The following PCDH17 variants were observed in gnomAD, a reference collection of about 807,000 sequenced individuals.
PCDH17 encodes protocadherin 17.
In PCDH17, 21 loss-of-function variants were observed where a neutral mutation model predicts 67.7. The ratio of observed to expected loss-of-function variants is 0.31; its 90% CI spans 0.22 to 0.45. PCDH17 has a LOEUF of 0.45. PCDH17 is among the 20% of genes least tolerant of loss of function. PCDH17 has a pLI of 1.00. For synonymous variants in PCDH17, 701 were observed against 656.7 expected (o/e 1.07, Z -1.03); for missense variants, 1,471 against 1,564.8 (o/e 0.94, Z 1.01).
At chr13:57,705,808 G>A (rs1392444643) in intron 3 of PCDH17, among the ~76,000 whole-genome samples, 2 of 152,064 alleles carry the variant, frequency 1.3e-5, no homozygotes, top group African/African-American at 4.8e-5. Context: ...CTGAGGTCTG[G>A]AGTTCAAGAC....
At chr13:57,677,215 T>C (rs1488171170) in intron 3 of PCDH17, among the ~76,000 whole-genome samples, 1 of 151,828 alleles carries the variant, frequency 6.6e-6, no homozygotes, top group Non-Finnish European at 1.5e-5. Context: ...CTAGACTCTC[T>C]TGGGACTTAT....
intron 1 of PCDH17, among the ~76,000 whole-genome samples, chr13:57,660,092 A>C (rs4488350): frequency 0.3 from 45,864 of 151,986 alleles, 8,951 homozygotes; most frequent in Middle Eastern, 0.5. Context: ...AAAAGAAAAA[A>C]GAAAGATAGC....
chr13:57,689,125 A>C (rs942360838), intron 3 of PCDH17, among the ~76,000 whole-genome samples: 5 of 152,090 alleles, frequency 3.3e-5, no homozygotes, highest in African/African-American at 1.2e-4. Context: ...GTTAATTAAA[A>C]ATATTTCTGA....
chr13:57,697,337 G>A (rs1442597371), intron 3 of PCDH17, among the ~76,000 whole-genome samples: 1 of 151,620 alleles, frequency 6.6e-6, no homozygotes, highest in African/African-American at 2.4e-5. Context: ...AGAAATCTAA[G>A]ATGGTTTTCT....
chr13:57,685,381 A>T (rs915990685), intron 3 of PCDH17, among the ~76,000 whole-genome samples: 2 of 151,972 alleles, frequency 1.3e-5, no homozygotes, highest in Non-Finnish European at 2.9e-5. Flanking sequence ...CTTCTCAAAT[A>T]TAGTTTGCAT....
At chr13:57,713,626 A>C (rs1277744663) in intron 3 of PCDH17, among the ~76,000 whole-genome samples, 1 of 151,658 alleles carries the variant, frequency 6.6e-6, no homozygotes, top group Non-Finnish European at 1.5e-5. Flanking sequence ...TATCTTTGGA[A>C]ACTATCATTT....
chr13:57,691,931 GTCTT>G (rs776573755), intron 3 of PCDH17, among the ~76,000 whole-genome samples: 5 of 151,160 alleles, frequency 3.3e-5, no homozygotes, highest in South Asian at 2.1e-4. Context: ...ATATCAGACT[GTCTT>G]TCTATTTTGA....
At chr13:57,692,236 T>A (rs1402382215) in intron 3 of PCDH17, among the ~76,000 whole-genome samples, 1 of 151,134 alleles carries the variant, frequency 6.6e-6, no homozygotes, top group Non-Finnish European at 1.5e-5. Context: ...AATGAGAGAG[T>A]CTCAATTTCT....
intron 3 of PCDH17, among the ~76,000 whole-genome samples, chr13:57,696,486 G>C (rs975101935): frequency 2.6e-5 from 4 of 151,130 alleles, no homozygotes; most frequent in Admixed American, 6.6e-5. Flanking sequence ...ACTTAAAATA[G>C]ATCATTTTAA....
chr13:57,678,852 AT>A (rs1225668639), intron 3 of PCDH17, among the ~76,000 whole-genome samples: 2 of 151,568 alleles, frequency 1.3e-5, no homozygotes, highest in Non-Finnish European at 3.0e-5. Context: ...GTTCTCATGA[AT>A]TTTTGAAAAT....
intron 3 of PCDH17, among the ~76,000 whole-genome samples, 154 bp downstream of exon 3, chr13:57,666,987 A>G (rs1467451859): frequency 1.3e-5 from 2 of 152,166 alleles, no homozygotes; most frequent in Non-Finnish European, 2.9e-5. Context: ...AAAAAAAGCA[A>G]CCATTGAATA....
rs1212499095 is a variant in PCDH17, at chr13:57,727,535, C to G, written c.*2241C>G. ...CTTTGAGAGGGAAGAGTGGACAACT[C>G]CCATCAGCCTTATTCTCTTGAGAAC... On this transcript the variant is annotated 3_prime_UTR_variant, in exon 4 of 4. Coordinates refer to ENST00000377918, the MANE Select transcript of PCDH17 (RefSeq NM_001040429.3). 1 of 152,108 alleles carries G rather than the reference C, an allele frequency of 6.6e-6. No homozygotes were observed. The highest frequency in any genetic ancestry group is 2.4e-5 in the African/African-American group (1 of 41,430). The allele number at this position is 152,108 out of a possible 1,614,324, so 9.4% of individuals were successfully genotyped here.
rs533194332 is a variant in PCDH17, at chr13:57,677,790, C to T, written c.2797+10957C>T. Among the ~76,000 whole-genome samples, 7 of 151,834 alleles carry T rather than the reference C, an allele frequency of 4.6e-5. No homozygotes were observed. In the East Asian group the frequency reaches 5.8e-4, roughly 13 times the overall value. ...GATAAGAGATTTCAAAAGGATATAT[C>T]GTGGCACAGAAACTCAAATACTGCA... On this transcript the variant is annotated intron_variant, in intron 3 of 3. Transcript: ENST00000377918.
At chr13:57,644,282 T>A (rs1954939075) in intron 1 of PCDH17, among the ~76,000 whole-genome samples, 1 of 151,642 alleles carries the variant, frequency 6.6e-6, no homozygotes, top group African/African-American at 2.4e-5. Flanking sequence ...CAGAAGTCTA[T>A]TCTATGGTGT....
At chr13:57,635,454 G>A (rs886851535) in intron 1 of PCDH17, among the ~76,000 whole-genome samples, 1 of 151,568 alleles carries the variant, frequency 6.6e-6, no homozygotes, top group African/African-American at 2.4e-5. Flanking sequence ...AATTCCCAGA[G>A]CAGAAAAAAA....
chr13:57,632,686 G>C lies in PCDH17; in HGVS notation c.140G>C (p.Gly47Ala). 3 of 1,611,622 alleles carry C rather than the reference G, an allele frequency of 1.9e-6. No homozygotes were observed. The South Asian group carries it at 3.3e-5, about 18-fold the overall frequency. The change falls in exon 1 of 4, where the codon GGG (glycine) becomes GCG (alanine). Residue 47 changes from glycine (G) to alanine (A), a missense_variant. Around this residue, in one of 3 missense-constraint regions of PCDH17, gnomAD observed 1,163 missense variants for 1,230.0 expected, o/e 0.95. Coordinates refer to ENST00000377918, the MANE Select transcript of PCDH17 (RefSeq NM_001040429.3). ...NIGRDARLQP[G>A]LPPAERGGGG... ...GGCAGGGATGCTCGACTGCAGCCTG[G>C]GCTTCCGCCTGCAGAGCGCGGCGGC...
In PCDH17 at chr13:57,632,633, A is replaced by G; in HGVS notation, c.87A>G (p.Gln29=). The G allele has an allele frequency of 6.2e-7, 1 of 1,613,514 alleles. No homozygotes were observed. The highest frequency in any genetic ancestry group is 8.5e-7 in the Non-Finnish European group (1 of 1,179,958). ...TCAACTACTCCGTGCCGGAGGAGCA[A>G]GGGGCCGGCACGGTGATCGGGAACA... The part of the protein sequence containing the change: ...KNLNYSVPEE[Q]GAGTVIGNIG... The change falls in exon 1 of 4, where the codon CAA becomes CAG. Residue 29 remains glutamine (Q), a synonymous_variant. Transcript: ENST00000377918.
At position 57,728,258 on chromosome 13, in the gene PCDH17, A is replaced by G. The variant is rs1165874583; in HGVS notation, c.*2964A>G. On this transcript the variant is annotated 3_prime_UTR_variant, in exon 4 of 4. Coordinates refer to ENST00000377918, the MANE Select transcript of PCDH17 (RefSeq NM_001040429.3). ...TGCCAAAATCACACCTTTAGAGAGC[A>G]CCTTGCTCTAATAGGTGATGCATGA... is the stretch of plus-strand genomic sequence containing the variant. 2.0e-5 allele frequency: 3 copies of G among 152,690 alleles called. No homozygotes were observed. The East Asian group carries it at 5.8e-4, about 30-fold the overall frequency. 9.5% of individuals were successfully genotyped at this position (152,690 alleles called of 1,614,324 possible).
chr13:57,645,554 CTT>C (rs1954954905), intron 1 of PCDH17, among the ~76,000 whole-genome samples: 1 of 151,350 alleles, frequency 6.6e-6, no homozygotes, highest in Non-Finnish European at 1.5e-5. Flanking sequence ...ATAGTTACCA[CTT>C]TTGTAATTAT....
Sources: gnomAD v4.1 joint callset for allele counts (sites outside exome capture counted in the v4.1 genomes callset) on GRCh38, gnomAD v4.1.1 for gene constraint, gnomAD v4.1.1 regional missense constraint, MANE v1.5 for transcripts, NCBI Gene and HGNC (gene_info 2026-07-23, HGNC 2026-07-21) for gene names.